The following MTRF1L variants were observed in gnomAD, a reference collection of about 807,000 sequenced individuals.
MTRF1L encodes peptide chain release factor 1-like, mitochondrial.
A neutral mutation model predicts 40.0 loss-of-function variants in MTRF1L; 29 were observed. The observed-to-expected ratio is 0.73, with a 90% confidence interval of 0.54 to 0.99. MTRF1L has a LOEUF of 0.99. Among genes scored for constraint, MTRF1L ranks in the 50% least tolerant of loss-of-function variants. MTRF1L has a pLI of 0.00. For missense variants in MTRF1L, 412 were observed against 464.5 expected, an observed-to-expected ratio of 0.89 and a Z score of 1.04; for synonymous variants, 150 against 175.8, an observed-to-expected ratio of 0.85 and a Z score of 1.16.
chr6:153,000,394 C>G (rs1255041935), intron 1 of MTRF1L, among the ~76,000 whole-genome samples: 1 of 152,214 alleles, frequency 6.6e-6, no homozygotes, highest in Non-Finnish European at 1.5e-5. Context: ...AGACTAGCCA[C>G]AAATTGCTCA....
intron 2 of MTRF1L, 118 bp downstream of exon 2, chr6:152,998,432 T>C: frequency 7.1e-6 from 5 of 699,974 alleles, no homozygotes; most frequent in Non-Finnish European, 1.1e-5. Context: ...AAAATAAATT[T>C]AAAAAACCCA....
chr6:153,002,590 C>T lies in MTRF1L; in HGVS notation c.96G>A (p.Pro32=). Residue 32 remains proline, a synonymous_variant, in exon 1 of 7, where the codon CCG becomes CCA. Transcript: ENST00000367233. ...ARRPLSSGSP[P]LEELFTRGGP... ...CGCCCCGGGTGAACAGCTCCTCCAG[C>T]GGCGGGCTACCGGAGCTCAGGGGCC... The T allele has an allele frequency of 1.3e-6, 2 of 1,555,890 alleles. No individual in the cohort carries two copies. The highest frequency in any genetic ancestry group is 1.9e-5 in the Admixed American group (1 of 51,442).
chr6:152,998,955 T>C (rs1778814017), intron 1 of MTRF1L, among the ~76,000 whole-genome samples: 1 of 152,184 alleles, frequency 6.6e-6, no homozygotes, highest in Non-Finnish European at 1.5e-5. Flanking sequence ...ATAAATATGC[T>C]TTTAGACTTC....
chr6:152,998,040 T>C (rs1472858860), intron 2 of MTRF1L, among the ~76,000 whole-genome samples: 2 of 151,786 alleles, frequency 1.3e-5, no homozygotes, highest in African/African-American at 4.8e-5. Context: ...GTGGCACTTA[T>C]GTCAATAAAT....
chr6:152,997,927 C>G (rs1778768846), intron 2 of MTRF1L, among the ~76,000 whole-genome samples: 1 of 152,024 alleles, frequency 6.6e-6, no homozygotes, highest in South Asian at 2.1e-4. Context: ...AAAAAGACTA[C>G]ATTGACATGG....
At chr6:152,999,199 G>A (rs909286127) in intron 1 of MTRF1L, among the ~76,000 whole-genome samples, 6 of 151,934 alleles carry the variant, frequency 3.9e-5, no homozygotes, top group Admixed American at 3.3e-4. Context: ...TACCTTTATT[G>A]TTGTTTCATC....
At chr6:152,991,118 TAAAA>T in intron 6 of MTRF1L, 63 bp downstream of exon 6, 2 of 1,133,064 alleles carry the variant, frequency 1.8e-6, no homozygotes, top group African/African-American at 3.2e-5. Flanking sequence ...CCAAGTTATT[TAAAA>T]AAAGCTGAGT....
intron 2 of MTRF1L, among the ~76,000 whole-genome samples, chr6:152,996,602 A>G (rs965493031): frequency 1.3e-5 from 2 of 152,044 alleles, no homozygotes; most frequent in Non-Finnish European, 2.9e-5. Context: ...CTCCTTCCTT[A>G]CCTAACATAT....
rs372750968 is a variant in MTRF1L at position 152,994,561 on chromosome 6, G to A, written c.639C>T (p.Arg213=). 54 of 1,612,352 alleles carry A rather than the reference G, an allele frequency of 3.3e-5. No homozygotes were observed. The highest frequency in any genetic ancestry group is 2.2e-4 in the Admixed American group (13 of 59,980). Residue 213 remains arginine, a synonymous_variant, in exon 4 of 7, where the codon CGC becomes CGT. Coordinates refer to ENST00000367233, the MANE Select transcript of MTRF1L (RefSeq NM_019041.7). ...QRVPKTEKQG[R]VHTSTMTVAI... is the part of the protein sequence containing the mutation. ...CTACAGTCATGGTGCTAGTATGGAC[G>A]CGGCCTTGCTTTTCTGTCTTTGGCA...
intron 2 of MTRF1L, among the ~76,000 whole-genome samples, chr6:152,996,558 G>A (rs6920771): frequency 0.21 from 32,602 of 152,066 alleles, 3,613 homozygotes; most frequent in Admixed American, 0.3. Flanking sequence ...TAAAGGGGAA[G>A]CAGATTCTCA....
At chr6:152,997,412 A>G (rs1176248065) in intron 2 of MTRF1L, among the ~76,000 whole-genome samples, 3 of 152,230 alleles carry the variant, frequency 2.0e-5, no homozygotes, top group African/African-American at 7.2e-5. Flanking sequence ...TGGAGGCAAG[A>G]GCAGAGCTTT....
At chr6:152,996,514 G>C (rs1778719489) in intron 2 of MTRF1L, among the ~76,000 whole-genome samples, 1 of 152,056 alleles carries the variant, frequency 6.6e-6, no homozygotes, top group South Asian at 2.1e-4. Flanking sequence ...ATAGGTTATA[G>C]GAACATTAAT....
chr6:152,995,038 C>A, intron 3 of MTRF1L, 98 bp downstream of exon 3: 1 of 1,114,018 alleles, frequency 9.0e-7, no homozygotes, highest in Non-Finnish European at 1.3e-6. Context: ...CATAAAACTA[C>A]ATAAGCATCC....
At position 152,990,947 on chromosome 6, in the gene MTRF1L, G is replaced by T. The variant is rs1244798682; in HGVS notation, c.942+238C>A. On this transcript the variant is annotated intron_variant, in intron 6 of 6. Transcript: ENST00000367233. ...TTTCAAAGGATTAAAAATGAATGAG[G>T]ACTCAGTATATATCTTTATTTTTAG... Among the ~76,000 whole-genome samples, 5 of 152,178 alleles carry T rather than the reference G, an allele frequency of 3.3e-5. No homozygotes were observed. In the South Asian group the frequency reaches 1.0e-3, roughly 32 times the overall value.
chr6:152,991,256 A>C lies in MTRF1L; in HGVS notation c.871T>G (p.Leu291Val), dbSNP rs1216539911. 2 of 1,601,252 alleles carry C rather than the reference A, an allele frequency of 1.2e-6. No individual in the cohort carries two copies. The highest frequency in any genetic ancestry group is 1.7e-6 in the Non-Finnish European group (2 of 1,175,208). Residue 291 changes from leucine (L) to valine (V), a missense_variant, in exon 6 of 7, where the codon TTA (leucine) becomes GTA (valine). Leu to Val is a conservative substitution (Grantham distance 32, BLOSUM62 1). Transcript: ENST00000367233. ...LKNKELAMTKLRAKLYSMHLE... is the reference protein window; with the variant it reads ...LKNKELAMTKVRAKLYSMHLE... ...TGCATGCTGTACAGTTTTGCACGTA[A>C]CTTTGTCATAGCCAGCTCTTTATTT...
chr6:152,991,518 CAATAGCACA>C (rs1202129398), intron 5 of MTRF1L, 197 bp from the exon 6 acceptor site: 6 of 512,136 alleles, frequency 1.2e-5, no homozygotes, highest in Non-Finnish European at 1.9e-5. Flanking sequence ...AAGTTTTGAG[CAATAGCACA>C]AATAGCACAA....
At chr6:152,997,043 A>G (rs930368344) in intron 2 of MTRF1L, among the ~76,000 whole-genome samples, 7 of 152,314 alleles carry the variant, frequency 4.6e-5, no homozygotes, top group African/African-American at 1.7e-4. Flanking sequence ...GCAAGAACAA[A>G]CATTAAATTG....
chr6:152,994,974 A>G (rs931296723), intron 3 of MTRF1L, among the ~76,000 whole-genome samples, 162 bp downstream of exon 3: 6 of 152,218 alleles, frequency 3.9e-5, no homozygotes, highest in African/African-American at 1.4e-4. Context: ...TAGATTTTAT[A>G]GGTCATCTCA....
chr6:152,994,865 C>A, intron 3 of MTRF1L, 189 bp from the exon 4 acceptor site: 1 of 802,856 alleles, frequency 1.2e-6, no homozygotes, highest in Non-Finnish European at 1.9e-6. Flanking sequence ...CTAAACAAAG[C>A]ATTTATGGGG....
Sources: gnomAD v4.1 joint callset for allele counts (sites outside exome capture counted in the v4.1 genomes callset) on GRCh38, gnomAD v4.1.1 for gene constraint, MANE v1.5 for transcripts, NCBI Gene and HGNC (gene_info 2026-07-23, HGNC 2026-07-21) for gene names.